The following ITFG1 variants were observed in gnomAD, a reference collection of about 807,000 sequenced individuals.
The protein encoded by ITFG1 is T-cell immunomodulatory protein.
ITFG1 carries 34 observed loss-of-function variants against 81.8 expected under a neutral mutation model. That is an observed-to-expected ratio of 0.42 (90% CI 0.32 to 0.55). The LOEUF (loss-of-function observed/expected upper bound fraction) is 0.55. Among genes scored for constraint, ITFG1 ranks in the 20% least tolerant of loss-of-function variants. The pLI is 0.17. For synonymous variants in ITFG1, 285 were observed against 270.6 expected (o/e 1.05, Z -0.52); for missense variants, 672 against 755.4 (o/e 0.89, Z 1.29).
chr16:47,369,939 C>T (rs1366837079), intron 7 of ITFG1, among the ~76,000 whole-genome samples: 1 of 148,350 alleles, frequency 6.7e-6, no homozygotes, highest in Non-Finnish European at 1.5e-5. Context: ...CCCGGGTTCA[C>T]GCCATTCTCC....
chr16:47,182,453 T>C (rs565828554), intron 14 of ITFG1, among the ~76,000 whole-genome samples: 24 of 152,114 alleles, frequency 1.6e-4, no homozygotes, highest in Non-Finnish European at 2.9e-4. Flanking sequence ...AAGTATGTAC[T>C]TTAACACTGA....
chr16:47,428,249 A>G (rs1010023929), intron 6 of ITFG1, among the ~76,000 whole-genome samples: 1 of 152,224 alleles, frequency 6.6e-6, no homozygotes, highest in African/African-American at 2.4e-5. Context: ...GTGAAATTAT[A>G]TGTTTGGGAT....
At chr16:47,365,758 C>CT in intron 8 of ITFG1, 30 bp downstream of exon 8, 1 of 1,098,040 alleles carries the variant, frequency 9.1e-7, no homozygotes, top group South Asian at 1.3e-5. Context: ...AAGGCAAAAG[C>CT]CTTTTTTTTT....
chr16:47,358,597 G>GA (rs1968070748), intron 8 of ITFG1, among the ~76,000 whole-genome samples: 1 of 152,170 alleles, frequency 6.6e-6, no homozygotes, highest in Non-Finnish European at 1.5e-5. Context: ...GTAATGATAT[G>GA]TTAATCTTTA....
rs116814016 is a variant in ITFG1 at position 47,277,417 on chromosome 16, A to C, written c.1071-16722T>G. ...TCCGATGCCATAGGAAATATGTACA[A>C]GGGTTTGCATCCCACGAATACTATA... On this transcript the variant is annotated intron_variant, in intron 10 of 17. Transcript: ENST00000320640. Among the ~76,000 whole-genome samples, 384 of 152,274 alleles carry C rather than the reference A, an allele frequency of 2.5e-3. 3 individuals carry two copies. Among genetic ancestry groups the C allele is most frequent in the African/African-American group, 8.8e-3 (366 of 41,566 alleles).
At chr16:47,158,322 T>C (rs2151504799) in intron 17 of ITFG1, among the ~76,000 whole-genome samples, 1 of 152,264 alleles carries the variant, frequency 6.6e-6, no homozygotes, top group South Asian at 2.1e-4. Flanking sequence ...CTCAAACTCC[T>C]GAGCTCCAGC....
At chr16:47,180,944 C>T (rs1258423828) in intron 14 of ITFG1, among the ~76,000 whole-genome samples, 2 of 151,334 alleles carry the variant, frequency 1.3e-5, no homozygotes, top group Non-Finnish European at 2.9e-5. Context: ...TGAGGAGCGT[C>T]TCTGCCCGGC....
chr16:47,313,108 T>A (rs1967292981), intron 9 of ITFG1: 1 of 152,234 alleles, frequency 6.6e-6, no homozygotes, highest in Admixed American at 6.5e-5. Flanking sequence ...AACACCACTG[T>A]ACTCACACTG....
intron 13 of ITFG1, among the ~76,000 whole-genome samples, chr16:47,236,331 C>T (rs547972588): frequency 1.3e-5 from 2 of 152,042 alleles, no homozygotes; most frequent in East Asian, 1.9e-4. Flanking sequence ...AAAAATTAGC[C>T]GGGCATGGTG....
intron 10 of ITFG1, among the ~76,000 whole-genome samples, chr16:47,307,104 A>AAC (rs1555509122): frequency 2.1e-5 from 3 of 145,068 alleles, no homozygotes; most frequent in Non-Finnish European, 3.0e-5. Context: ...AAAAAAAAAA[A>AAC]AAAAAAAAAA....
intron 14 of ITFG1, among the ~76,000 whole-genome samples, chr16:47,170,269 G>T (rs1166397545): frequency 6.6e-6 from 1 of 152,126 alleles, no homozygotes; most frequent in Non-Finnish European, 1.5e-5. Context: ...CTCCTTTCAT[G>T]AAATTGTTGG....
chr16:47,386,802 C>A (rs1011103597), intron 6 of ITFG1, among the ~76,000 whole-genome samples: 6 of 152,208 alleles, frequency 3.9e-5, no homozygotes, highest in African/African-American at 1.2e-4. Context: ...CAGGCAGCTA[C>A]AAAGCTGTCC....
chr16:47,366,021 A>G, intron 7 of ITFG1, 152 bp from the exon 8 acceptor site: 1 of 530,908 alleles, frequency 1.9e-6, no homozygotes, highest in East Asian at 2.9e-5. Flanking sequence ...TTTCACTTTT[A>G]TTTTGAAGCA....
chr16:47,257,104 G>A (rs13332800), intron 12 of ITFG1, among the ~76,000 whole-genome samples: 18,016 of 152,190 alleles, frequency 0.12, 2,318 homozygotes, highest in African/African-American at 0.32. Flanking sequence ...CAAGACAAGT[G>A]TGTCCACTCT....
chr16:47,239,229 T>G (rs1965907425), intron 12 of ITFG1, among the ~76,000 whole-genome samples: 1 of 151,892 alleles, frequency 6.6e-6, no homozygotes, highest in South Asian at 2.1e-4. Context: ...TGAGACAGTC[T>G]CTTGCTCTGT....
chr16:47,410,667 G>A (rs1030939996), intron 6 of ITFG1, among the ~76,000 whole-genome samples: 2 of 152,110 alleles, frequency 1.3e-5, no homozygotes, highest in African/African-American at 4.8e-5. Context: ...CCTAAGGAAG[G>A]TGTGAGTGAA....
At chr16:47,310,182 C>T (rs1227156182) in intron 10 of ITFG1, among the ~76,000 whole-genome samples, 1 of 152,172 alleles carries the variant, frequency 6.6e-6, no homozygotes, top group Non-Finnish European at 1.5e-5. Flanking sequence ...CAGACTCTCC[C>T]ATACTTTTCT....
chr16:47,350,606 T>C (rs1967937380), intron 8 of ITFG1, among the ~76,000 whole-genome samples: 8 of 152,140 alleles, frequency 5.3e-5, no homozygotes, highest in Admixed American at 3.9e-4. Context: ...CAGGACCAGA[T>C]GGATTCACAG....
intron 9 of ITFG1, 115 bp from the exon 10 acceptor site, chr16:47,311,527 T>C: frequency 1.4e-6 from 1 of 728,396 alleles, no homozygotes; most frequent in Non-Finnish European, 2.1e-6. Context: ...ACTTAACTTT[T>C]TTATCTCTAC....
Sources: allele counts gnomAD v4.1 joint callset (sites outside exome capture counted in the v4.1 genomes callset), GRCh38; gene constraint gnomAD v4.1.1; transcripts MANE v1.5; gene names NCBI Gene and HGNC (gene_info 2026-07-23, HGNC 2026-07-21).